Variants in PTPRD observed in about 807,000 individuals in gnomAD.
PTPRD encodes the protein protein tyrosine phosphatase receptor type D.
A neutral mutation model predicts 214.5 loss-of-function variants in PTPRD; 34 were observed. The observed-to-expected ratio is 0.16, with a 90% CI of 0.12 to 0.21. The LOEUF (loss-of-function observed/expected upper bound fraction) is 0.21. Among genes scored for constraint, PTPRD ranks in the 10% least tolerant of loss-of-function variants. The pLI is 1.00. For missense variants in PTPRD, 2,545 were observed against 2,398.7 expected, an observed-to-expected ratio of 1.06 and a Z score of -1.27; for synonymous variants, 1,128 against 845.7, an observed-to-expected ratio of 1.33 and a Z score of -5.79.
chr9:8,845,750 T>C (rs996690966), intron 11 of PTPRD, among the ~76,000 whole-genome samples: 1 of 152,244 alleles, frequency 6.6e-6, no homozygotes, highest in Admixed American at 6.5e-5. Flanking sequence ...AAGTGTGTGC[T>C]TCACCAGGCA....
intron 2 of PTPRD, among the ~76,000 whole-genome samples, chr9:10,372,986 C>T (rs187384198): frequency 4.0e-5 from 6 of 151,476 alleles, no homozygotes; most frequent in African/African-American, 7.3e-5. Context: ...TCACCCACCA[C>T]CATGCCCAGC....
At chr9:8,749,788 A>AC (rs2093331053) in intron 11 of PTPRD, among the ~76,000 whole-genome samples, 1 of 152,106 alleles carries the variant, frequency 6.6e-6, no homozygotes, top group Non-Finnish European at 1.5e-5. Flanking sequence ...GGGACAAGAG[A>AC]CTTATAATAA....
At chr9:8,655,469 C>G (rs935558513) in intron 12 of PTPRD, among the ~76,000 whole-genome samples, 1 of 152,250 alleles carries the variant, frequency 6.6e-6, no homozygotes, top group Non-Finnish European at 1.5e-5. Flanking sequence ...TAATAAAAAG[C>G]ATTTTCTGGA....
At chr9:9,379,841 T>C (rs1439384233) in intron 9 of PTPRD, among the ~76,000 whole-genome samples, 1 of 152,050 alleles carries the variant, frequency 6.6e-6, no homozygotes, top group Non-Finnish European at 1.5e-5. Flanking sequence ...TGTTCATTGT[T>C]GGTATATAGG....
chr9:10,514,634 G>C (rs2049393751), intron 2 of PTPRD, among the ~76,000 whole-genome samples: 1 of 151,674 alleles, frequency 6.6e-6, no homozygotes, highest in African/African-American at 2.4e-5. Flanking sequence ...TATTTGAATA[G>C]TTAACCAAGT....
At chr9:10,514,145 A>G (rs1010457656) in intron 2 of PTPRD, among the ~76,000 whole-genome samples, 2 of 152,148 alleles carry the variant, frequency 1.3e-5, no homozygotes, top group Non-Finnish European at 2.9e-5. Context: ...CTTGGATAAC[A>G]TATTTATAAA....
At chr9:9,691,619 C>G (rs2097272646) in intron 7 of PTPRD, among the ~76,000 whole-genome samples, 1 of 151,962 alleles carries the variant, frequency 6.6e-6, no homozygotes, top group African/African-American at 2.4e-5. Context: ...ATACTGATTT[C>G]CTTTCTTTTG....
At chr9:10,582,382 T>TG (rs1167186729) in intron 2 of PTPRD, among the ~76,000 whole-genome samples, 2 of 152,212 alleles carry the variant, frequency 1.3e-5, no homozygotes, top group Non-Finnish European at 2.9e-5. Flanking sequence ...CAACAAAATG[T>TG]GAAATCAAAG....
At chr9:10,019,992 T>C (rs2096814282) in intron 4 of PTPRD, among the ~76,000 whole-genome samples, 1 of 152,336 alleles carries the variant, frequency 6.6e-6, no homozygotes, top group South Asian at 2.1e-4. Context: ...TTAATGTATA[T>C]AAACGGTTTA....
At chr9:10,078,720 T>C (rs943867796) in intron 3 of PTPRD, among the ~76,000 whole-genome samples, 1 of 152,018 alleles carries the variant, frequency 6.6e-6, no homozygotes, top group Non-Finnish European at 1.5e-5. Flanking sequence ...CTCTTCTGAT[T>C]GCTGTTTCAA....
At chr9:9,817,808 TAA>T (rs2049264724) in intron 5 of PTPRD, among the ~76,000 whole-genome samples, 1 of 152,154 alleles carries the variant, frequency 6.6e-6, no homozygotes, top group Non-Finnish European at 1.5e-5. Flanking sequence ...CACAGGCTTT[TAA>T]AAGTGTTAAA....
At chr9:9,752,676 A>T (rs942949099) in intron 6 of PTPRD, among the ~76,000 whole-genome samples, 9 of 152,026 alleles carry the variant, frequency 5.9e-5, no homozygotes, top group African/African-American at 9.7e-5. Context: ...CAAAAGTTTC[A>T]TTTGGGGAAG....
intron 5 of PTPRD, among the ~76,000 whole-genome samples, chr9:9,916,120 T>A (rs561092327): frequency 6.6e-6 from 1 of 150,710 alleles, no homozygotes; most frequent in African/African-American, 2.4e-5. Flanking sequence ...ACAAATACTA[T>A]ATTCAGCAAA....
chr9:9,490,807 G>A (rs1462197760), intron 8 of PTPRD, among the ~76,000 whole-genome samples: 1 of 151,420 alleles, frequency 6.6e-6, no homozygotes. Context: ...AGGAAATGAG[G>A]GACAAGAAAA....
chr9:9,264,346 G>A (rs759061691), intron 9 of PTPRD, among the ~76,000 whole-genome samples: 13 of 151,578 alleles, frequency 8.6e-5, no homozygotes, highest in Admixed American at 2.0e-4. Context: ...TCATAACAAA[G>A]AACCAAACAA....
At chr9:9,400,880 A>G (rs1247757226) in intron 8 of PTPRD, among the ~76,000 whole-genome samples, 4 of 152,064 alleles carry the variant, frequency 2.6e-5, no homozygotes, top group African/African-American at 9.7e-5. Flanking sequence ...CTTTAGAATT[A>G]CCCATCCACT....
chr9:9,679,360 GTTGAATATA>G (rs2154396445), intron 7 of PTPRD, among the ~76,000 whole-genome samples: 1 of 151,058 alleles, frequency 6.6e-6, no homozygotes, highest in African/African-American at 2.5e-5. Flanking sequence ...CAGTAACATT[GTTGAATATA>G]TAGTCAATCA....
chr9:10,098,719 C>A lies in PTPRD; in HGVS notation c.-544-64929G>T, dbSNP rs1017401014. On this transcript the variant is annotated intron_variant, in intron 3 of 45. Coordinates refer to ENST00000381196, the MANE Select transcript of PTPRD (RefSeq NM_002839.4). Reference sequence around the variant, plus strand: ...CAGTTTTTAATGTTCTAAATTCAAGCCTTTAGAATGTCCAAGAGCTGACCT... The same window carrying A: ...CAGTTTTTAATGTTCTAAATTCAAGACTTTAGAATGTCCAAGAGCTGACCT... Among the ~76,000 whole-genome samples, 5 of 151,738 alleles carry A rather than the reference C, an allele frequency of 3.3e-5. No individual in the cohort carries two copies. The East Asian group carries it at 9.8e-4, about 30-fold the overall frequency.
chr9:8,658,582 C>A (rs147033868), intron 12 of PTPRD, among the ~76,000 whole-genome samples: 1 of 150,980 alleles, frequency 6.6e-6, no homozygotes, highest in Non-Finnish European at 1.5e-5. Flanking sequence ...TTCTCTCATA[C>A]GTATCCTCAG....
Sources: allele counts gnomAD v4.1 joint callset (sites outside exome capture counted in the v4.1 genomes callset), GRCh38; gene constraint gnomAD v4.1.1; transcripts MANE v1.5; gene names NCBI Gene and HGNC (gene_info 2026-07-23, HGNC 2026-07-21).